The following ARHGAP6 variants were observed in gnomAD, a reference collection of about 807,000 sequenced individuals.
The protein encoded by ARHGAP6 is rho GTPase-activating protein 6.
Under a neutral mutation model 55.7 loss-of-function variants are expected in ARHGAP6, and 16 were observed. The observed-to-expected ratio is 0.29, with a 90% CI of 0.19 to 0.44. The LOEUF is 0.44. Ranked by LOEUF, ARHGAP6 falls within the 20% of genes least tolerant of loss-of-function variation. The probability of loss-of-function intolerance (pLI) is 1.00; values close to 1 mark genes in which losing one functional copy is unlikely to be tolerated. For missense variants in ARHGAP6, 698 were observed against 808.9 expected (o/e 0.86, Z 1.66); for synonymous variants, 382 against 360.9 (o/e 1.06, Z -0.66).
intron 3 of ARHGAP6, among the ~76,000 whole-genome samples, chrX:11,193,759 T>C (rs747484449): frequency 3.6e-5 from 4 of 112,650 alleles, no homozygotes; most frequent in African/African-American, 1.3e-4. Flanking sequence ...AAAAAATCTA[T>C]AATGGCCCAG....
intron 1 of ARHGAP6, among the ~76,000 whole-genome samples, chrX:11,610,581 A>T (rs2052090774): frequency 8.9e-6 from 1 of 112,328 alleles, no homozygotes; most frequent in Admixed American, 9.4e-5. Flanking sequence ...CATCATAAAC[A>T]TATGTAAATA....
At chrX:11,579,495 T>C (rs2051640303) in intron 1 of ARHGAP6, among the ~76,000 whole-genome samples, 1 of 112,432 alleles carries the variant, frequency 8.9e-6, no homozygotes, top group Non-Finnish European at 1.9e-5. Flanking sequence ...TCAATGTGTG[T>C]ACAATAAATG....
chrX:11,591,691 G>C (rs1156929904), intron 1 of ARHGAP6, among the ~76,000 whole-genome samples: 1 of 111,973 alleles, frequency 8.9e-6, no homozygotes, highest in Admixed American at 9.5e-5. Context: ...CCAGGGGCTA[G>C]GGTGGAGGAA....
intron 1 of ARHGAP6, among the ~76,000 whole-genome samples, chrX:11,562,942 T>C (rs764879250): frequency 8.9e-6 from 1 of 112,591 alleles, no homozygotes; most frequent in South Asian, 3.7e-4. Flanking sequence ...TGAACACATG[T>C]CAGCTGTTAT....
At chrX:11,498,816 C>T (rs2050648799) in intron 1 of ARHGAP6, among the ~76,000 whole-genome samples, 1 of 112,264 alleles carries the variant, frequency 8.9e-6, no homozygotes, top group Non-Finnish European at 1.9e-5. Flanking sequence ...CAATTATACA[C>T]AGGTAGAAGA....
chrX:11,221,671 C>T (rs1421083911), intron 2 of ARHGAP6, among the ~76,000 whole-genome samples: 1 of 111,639 alleles, frequency 9.0e-6, no homozygotes, highest in African/African-American at 3.3e-5. Context: ...CAGCTCTATT[C>T]GTTCCTTTTA....
At chrX:11,179,684 T>TATATATGTATACATATATACA (rs1602793305) in intron 6 of ARHGAP6, among the ~76,000 whole-genome samples, 1 of 106,372 alleles carries the variant, frequency 9.4e-6, no homozygotes, top group Non-Finnish European at 1.9e-5. Flanking sequence ...TATACACATG[T>TATATATGTATACATATATACA]ATATATGTAT....
At chrX:11,218,888 GT>G (rs1332498596) in intron 2 of ARHGAP6, among the ~76,000 whole-genome samples, 1,369 of 101,469 alleles carry the variant, frequency 0.013, 6 homozygotes, top group South Asian at 0.032. Flanking sequence ...AGTCTATTTT[GT>G]TTTTTTTTTT....
At chrX:11,222,948 T>C (rs2046992787) in intron 2 of ARHGAP6, among the ~76,000 whole-genome samples, 1 of 112,186 alleles carries the variant, frequency 8.9e-6, no homozygotes, top group Non-Finnish European at 1.9e-5. Context: ...TTTGCTGTTA[T>C]ACCAATTGGA....
chrX:11,195,412 T>C (rs1321395885), intron 3 of ARHGAP6, among the ~76,000 whole-genome samples: 2 of 110,061 alleles, frequency 1.8e-5, no homozygotes, highest in African/African-American at 6.6e-5. Flanking sequence ...GTCCATTATG[T>C]GAGCTTGAAT....
intron 10 of ARHGAP6, among the ~76,000 whole-genome samples, chrX:11,151,260 CT>C (rs776972480): frequency 0.066 from 6,541 of 98,885 alleles, 566 homozygotes; most frequent in African/African-American, 0.22. Flanking sequence ...GTCTTGCTTT[CT>C]TTTTTTTTTT....
intron 1 of ARHGAP6, among the ~76,000 whole-genome samples, chrX:11,482,444 G>T (rs779977825): frequency 9.0e-6 from 1 of 111,647 alleles, no homozygotes; most frequent in Admixed American, 9.4e-5. Flanking sequence ...TAATGAGTTT[G>T]GGGAATGTGC....
At chrX:11,151,644 G>A (rs1205190876) in intron 10 of ARHGAP6, among the ~76,000 whole-genome samples, 3 of 112,168 alleles carry the variant, frequency 2.7e-5, no homozygotes, top group African/African-American at 9.7e-5. Flanking sequence ...ATAAAGAAGT[G>A]AAAAACCCAA....
At chrX:11,276,040 C>G (rs1277401512) in intron 1 of ARHGAP6, among the ~76,000 whole-genome samples, 6 of 111,810 alleles carry the variant, frequency 5.4e-5, no homozygotes, top group African/African-American at 3.2e-5. Flanking sequence ...GAAGGCGAAT[C>G]TGCTTCTTTC....
intron 1 of ARHGAP6, among the ~76,000 whole-genome samples, chrX:11,582,043 T>G (rs1241646078): frequency 2.7e-5 from 3 of 111,981 alleles, no homozygotes; most frequent in Non-Finnish European, 5.6e-5. Flanking sequence ...TATTGAGCAC[T>G]TCGTATGTGC....
rs753986354 is a variant in ARHGAP6, at chrX:11,371,366, T to A, written c.589-116659A>T. Among the ~76,000 whole-genome samples the A allele has an allele frequency of 6.1e-4, 68 of 112,043 alleles. 1 individual carries two copies. Among genetic ancestry groups the A allele is most frequent in the African/African-American group, 2.2e-3 (67 of 30,891 alleles). On this transcript the variant is annotated intron_variant, in intron 1 of 12. Coordinates refer to ENST00000337414, the MANE Select transcript of ARHGAP6 (RefSeq NM_013427.3). ...CATTTGTGTATTGTCTATGACTGTT[T>A]TTGTACTCAAATGGCAGAGTTGTGA...
chrX:11,468,561 T>A (rs112776366), intron 1 of ARHGAP6, among the ~76,000 whole-genome samples: 2 of 112,668 alleles, frequency 1.8e-5, no homozygotes, highest in African/African-American at 6.4e-5. Flanking sequence ...GTAATATTTT[T>A]AAAATGTAAA....
intron 1 of ARHGAP6, among the ~76,000 whole-genome samples, chrX:11,558,783 C>G (rs1199304525): frequency 1.1e-5 from 1 of 88,662 alleles, no homozygotes; most frequent in Admixed American, 1.5e-4. Context: ...TCGCAGTGAG[C>G]CGAGATCATG....
intron 6 of ARHGAP6, among the ~76,000 whole-genome samples, chrX:11,180,014 G>T (rs967011034): frequency 9.3e-6 from 1 of 107,916 alleles, no homozygotes; most frequent in African/African-American, 3.5e-5. Context: ...AAAGCAAAGA[G>T]ATTTTTTTTT....
Sources: allele counts gnomAD v4.1 joint callset (sites outside exome capture counted in the v4.1 genomes callset), GRCh38; gene constraint gnomAD v4.1.1; transcripts MANE v1.5; gene names NCBI Gene and HGNC (gene_info 2026-07-23, HGNC 2026-07-21).